Variants in TEAD1 observed in about 807,000 individuals in gnomAD.
TEAD1 encodes transcriptional enhancer factor TEF-1.
In TEAD1, 9 loss-of-function variants were observed where a neutral mutation model predicts 54.9. That is an observed-to-expected ratio of 0.16 (90% CI 0.10 to 0.29). The LOEUF (loss-of-function observed/expected upper bound fraction) is 0.29, where lower values mean the gene tolerates loss of function less well. TEAD1 is among the 10% of genes least tolerant of loss of function. TEAD1 has a pLI of 1.00. For synonymous variants in TEAD1, 200 were observed against 187.8 expected, an observed-to-expected ratio of 1.07 and a Z score of -0.53; for missense variants, 387 against 535.9, an observed-to-expected ratio of 0.72 and a Z score of 2.74.
chr11:12,879,662 A>G (rs772939072), intron 5 of TEAD1, 46 bp from the exon 6 acceptor site: 1 of 1,613,710 alleles, frequency 6.2e-7, no homozygotes, highest in Non-Finnish European at 8.5e-7. Flanking sequence ...CCTGCCTGGT[A>G]GCCATGCGTT....
rs1278810088 is a variant in TEAD1, at chr11:12,674,634, C to T, written c.-408C>T. On this transcript the variant is annotated 5_prime_UTR_variant, in exon 1 of 13. Coordinates refer to ENST00000527636, the MANE Select transcript of TEAD1 (RefSeq NM_021961.6). ...GCCATGCAGTGACGCCCCCCCACCC[C>T]TCCACCTTTGCCCGGAGCGCGGGCA... 1 of 151,562 alleles carries T rather than the reference C, an allele frequency of 6.6e-6. No individual in the cohort carries two copies. Among genetic ancestry groups the T allele is most frequent in the Non-Finnish European group, 1.5e-5 (1 of 68,112 alleles). The allele number at this position is 151,562 out of a possible 1,614,324, so 9.4% of individuals were successfully genotyped here.
chr11:12,830,648 C>A (rs16911651), intron 3 of TEAD1, among the ~76,000 whole-genome samples: 5,553 of 152,146 alleles, frequency 0.036, 366 homozygotes, highest in African/African-American at 0.12. Flanking sequence ...TTAAAAAAAT[C>A]TGTTAGCCTG....
At chr11:12,896,015 C>G (rs572827031) in intron 9 of TEAD1, among the ~76,000 whole-genome samples, 1 of 147,646 alleles carries the variant, frequency 6.8e-6, no homozygotes, top group Non-Finnish European at 1.5e-5. Context: ...TTTCAGTCAC[C>G]CTATGTGCTT....
At chr11:12,884,437 A>G (rs562613804) in intron 9 of TEAD1, among the ~76,000 whole-genome samples, 1 of 152,242 alleles carries the variant, frequency 6.6e-6, no homozygotes, top group East Asian at 1.9e-4. Flanking sequence ...TATTATCGGG[A>G]GACAGTGTCA....
intron 2 of TEAD1, among the ~76,000 whole-genome samples, chr11:12,702,322 A>G (rs1943721014): frequency 6.6e-6 from 1 of 152,160 alleles, no homozygotes; most frequent in Admixed American, 6.5e-5. Context: ...CATCGTGGAC[A>G]ACGTTAAGTG....
rs574909201 is a variant in TEAD1 at position 12,768,073 on chromosome 11, A to G, written c.202+3639A>G. 5.3e-5 allele frequency among the ~76,000 whole-genome samples: 8 copies of G among 152,350 alleles called. No individual in the cohort carries two copies. The South Asian group carries it at 1.7e-3, about 32-fold the overall frequency. Reference sequence around the variant, plus strand: ...TTTTGCAACTGAAAATCCCAGTCAGATAGACCCCATAATCAAATAGGGCAG... The same window carrying G: ...TTTTGCAACTGAAAATCCCAGTCAGGTAGACCCCATAATCAAATAGGGCAG... On this transcript the variant is annotated intron_variant, in intron 3 of 12. Transcript: ENST00000527636.
At chr11:12,787,890 T>C (rs1020915816) in intron 3 of TEAD1, among the ~76,000 whole-genome samples, 5 of 152,128 alleles carry the variant, frequency 3.3e-5, no homozygotes, top group Non-Finnish European at 2.9e-5. Context: ...ATAATTCTAA[T>C]GAGTGGCAAA....
At chr11:12,851,434 A>G (rs1590211646) in intron 3 of TEAD1, among the ~76,000 whole-genome samples, 1 of 152,232 alleles carries the variant, frequency 6.6e-6, no homozygotes. Context: ...TATGGTAGCC[A>G]TTTTATTATC....
intron 2 of TEAD1, among the ~76,000 whole-genome samples, chr11:12,705,419 C>T (rs1025908389): frequency 3.3e-5 from 5 of 152,122 alleles, no homozygotes; most frequent in East Asian, 1.9e-4. Flanking sequence ...ATGCTTCACC[C>T]GGAGAATGAA....
At chr11:12,898,684 A>G (rs535517714) in intron 9 of TEAD1, among the ~76,000 whole-genome samples, 48 of 152,290 alleles carry the variant, frequency 3.2e-4, no homozygotes, top group Admixed American at 2.9e-3. Context: ...GTGAGCCACC[A>G]ATCCTGGCCC....
intron 3 of TEAD1, among the ~76,000 whole-genome samples, chr11:12,783,368 G>A (rs1030147975): frequency 6.6e-6 from 1 of 152,062 alleles, no homozygotes; most frequent in Non-Finnish European, 1.5e-5. Context: ...TCTGGTAAAA[G>A]CTTTGCAGTT....
At chr11:12,835,942 A>G (rs1297085363) in intron 3 of TEAD1, among the ~76,000 whole-genome samples, 3 of 152,170 alleles carry the variant, frequency 2.0e-5, no homozygotes, top group African/African-American at 4.8e-5. Context: ...GTTAATAATA[A>G]TGTGGCGTAT....
At position 12,781,971 on chromosome 11, in the gene TEAD1, AGAAAGAAAAAAAGAAAAAG is replaced by A. The variant is rs1306582695; in HGVS notation, c.202+17538_202+17556del. 3.0e-5 allele frequency among the ~76,000 whole-genome samples: 4 copies of A among 134,174 alleles called. 1 individual carries two copies. The highest frequency in any genetic ancestry group is 1.5e-4 in the African/African-American group (4 of 27,212). The allele number at this position is 134,174 out of a possible 152,430, so 88.0% of individuals were successfully genotyped here. ...CTGTACAAAAAAAAAAAAAAAAAAAAGAAAGAAAAAAAGAAAAAGAAAAAAAAAATTAGCCAAGCGTGGT... is the reference window on the plus strand; with the variant it reads ...CTGTACAAAAAAAAAAAAAAAAAAAAAAAAAAAAAATTAGCCAAGCGTGGT... On this transcript the variant is annotated intron_variant, in intron 3 of 12. Coordinates refer to ENST00000527636, the MANE Select transcript of TEAD1 (RefSeq NM_021961.6).
intron 3 of TEAD1, among the ~76,000 whole-genome samples, chr11:12,766,450 A>G (rs532948567): frequency 7.2e-5 from 11 of 152,364 alleles, no homozygotes; most frequent in South Asian, 2.1e-4. Flanking sequence ...TGTATCAACA[A>G]TGAACTTGAA....
At chr11:12,773,047 TG>T (rs1471798565) in intron 3 of TEAD1, among the ~76,000 whole-genome samples, 2 of 152,218 alleles carry the variant, frequency 1.3e-5, no homozygotes, top group Non-Finnish European at 2.9e-5. Context: ...CTTTTGGGAT[TG>T]GCTTTTTTTC....
intron 3 of TEAD1, among the ~76,000 whole-genome samples, chr11:12,837,759 T>TCTTCTTCCTTCTTCTTC (rs1946932584): frequency 1.8e-5 from 2 of 113,854 alleles, no homozygotes; most frequent in African/African-American, 6.9e-5. Flanking sequence ...CTCCTCTTCC[T>TCTTCTTCCTTCTTCTTC]CTTCTTCTTC....
chr11:12,913,370 C>T (rs1948652480), intron 10 of TEAD1, among the ~76,000 whole-genome samples: 1 of 152,244 alleles, frequency 6.6e-6, no homozygotes, highest in South Asian at 2.1e-4. Context: ...TGCACACATA[C>T]ATGCCTGTGG....
chr11:12,704,385 AGTCAACCATGTTCTTCT>A, intron 2 of TEAD1, among the ~76,000 whole-genome samples: 1 of 152,256 alleles, frequency 6.6e-6, no homozygotes, highest in East Asian at 1.9e-4. Flanking sequence ...CCTCCTGGCC[AGTCAACCATGTTCTTCT>A]GTCTCAGCCA....
intron 3 of TEAD1, among the ~76,000 whole-genome samples, chr11:12,831,212 G>A (rs1385560786): frequency 1.3e-5 from 2 of 152,022 alleles, no homozygotes; most frequent in Non-Finnish European, 2.9e-5. Context: ...ACTCTCCCCA[G>A]CCCTGTCTAA....
Sources: allele counts gnomAD v4.1 joint callset (sites outside exome capture counted in the v4.1 genomes callset), GRCh38; gene constraint gnomAD v4.1.1; transcripts MANE v1.5; gene names NCBI Gene and HGNC (gene_info 2026-07-23, HGNC 2026-07-21).